IGSF21: variants seen among roughly 807,000 people sequenced by gnomAD.
IGSF21 encodes immunoglobulin superfamily member 21.
IGSF21 carries 28 observed loss-of-function variants against 46.8 expected under a neutral mutation model. The observed-to-expected ratio is 0.60, with a 90% confidence interval of 0.44 to 0.82. The LOEUF (loss-of-function observed/expected upper bound fraction) is 0.82, where lower values mean the gene tolerates loss of function less well. IGSF21 is among the 40% of genes least tolerant of loss of function. The pLI, the probability that IGSF21 is intolerant of heterozygous loss-of-function variation, is 0.00. For missense variants in IGSF21, 624 were observed against 665.5 expected, an observed-to-expected ratio of 0.94 and a Z score of 0.69; for synonymous variants, 284 against 273.6, an observed-to-expected ratio of 1.04 and a Z score of -0.38.
At chr1:18,193,540 A>G (rs937271521) in intron 1 of IGSF21, among the ~76,000 whole-genome samples, 3 of 152,200 alleles carry the variant, frequency 2.0e-5, no homozygotes, top group Admixed American at 1.3e-4. Flanking sequence ...GAGGGCAGGA[A>G]GCATCCAGCA....
chr1:18,185,452 G>A (rs1424786367), intron 1 of IGSF21, among the ~76,000 whole-genome samples: 3 of 152,218 alleles, frequency 2.0e-5, no homozygotes, highest in Non-Finnish European at 4.4e-5. Context: ...GTTCCGCCAG[G>A]CAGCAGGATC....
Position 18,166,208 on chromosome 1 carries a change from TA to T in IGSF21, c.70+58018del, listed in dbSNP as rs375295877. On this transcript the variant is annotated intron_variant, in intron 1 of 9. Transcript: ENST00000251296. ...ATATCTTTTTTTCTGAGCTTGCTTTTAAAAAAAATTTTACCTTGTATATTTT... is the reference window on the plus strand; with the variant it reads ...ATATCTTTTTTTCTGAGCTTGCTTTTAAAAAAATTTTACCTTGTATATTTT... Among the ~76,000 whole-genome samples, 38 of 152,276 alleles carry T rather than the reference TA, an allele frequency of 2.5e-4. No individual in the cohort carries two copies. The East Asian group carries it at 6.0e-3, about 24-fold the overall frequency.
At chr1:18,375,829 C>T (rs923406074) in intron 6 of IGSF21, 1 of 174,594 alleles carries the variant, frequency 5.7e-6, no homozygotes, top group African/African-American at 2.3e-5. Flanking sequence ...GCTGATGACA[C>T]CAGAAACGCA....
intron 2 of IGSF21, among the ~76,000 whole-genome samples, chr1:18,291,220 C>T (rs1220992806): frequency 1.3e-5 from 2 of 152,188 alleles, no homozygotes; most frequent in Non-Finnish European, 2.9e-5. Flanking sequence ...TTCATCGCCA[C>T]CTCCCTGCCT....
At chr1:18,141,796 C>T (rs902599414) in intron 1 of IGSF21, among the ~76,000 whole-genome samples, 2 of 152,182 alleles carry the variant, frequency 1.3e-5, no homozygotes, top group East Asian at 1.9e-4. Context: ...TGGCTGGGCA[C>T]AGTGGCTCAT....
chr1:18,226,161 C>G (rs1433357803), intron 1 of IGSF21, among the ~76,000 whole-genome samples: 1 of 152,230 alleles, frequency 6.6e-6, no homozygotes, highest in African/African-American at 2.4e-5. Context: ...AAGGTGGCCT[C>G]CTTGTTTGTC....
At chr1:18,321,202 T>A (rs2085597394) in intron 3 of IGSF21, among the ~76,000 whole-genome samples, 2 of 152,234 alleles carry the variant, frequency 1.3e-5, no homozygotes, top group African/African-American at 4.8e-5. Context: ...GACAAAAGGG[T>A]CTGCCCTTGG....
At chr1:18,121,595 C>G (rs2086234135) in intron 1 of IGSF21, among the ~76,000 whole-genome samples, 1 of 152,180 alleles carries the variant, frequency 6.6e-6, no homozygotes, top group Non-Finnish European at 1.5e-5. Context: ...GTACTCTGGG[C>G]AAGACAGAGT....
chr1:18,169,324 C>T (rs951023992), intron 1 of IGSF21, among the ~76,000 whole-genome samples: 39 of 152,310 alleles, frequency 2.6e-4, no homozygotes, highest in African/African-American at 7.2e-4. Flanking sequence ...AGTGGGGCCC[C>T]TGTGCTTGGG....
intron 1 of IGSF21, among the ~76,000 whole-genome samples, chr1:18,124,627 G>A (rs1222211993): frequency 2.0e-5 from 3 of 152,160 alleles, no homozygotes; most frequent in Non-Finnish European, 4.4e-5. Flanking sequence ...GGACCCCGTG[G>A]CTGGGCTGCT....
At chr1:18,367,029 T>C (rs1000143381) in intron 6 of IGSF21, among the ~76,000 whole-genome samples, 1 of 152,126 alleles carries the variant, frequency 6.6e-6, no homozygotes, top group Non-Finnish European at 1.5e-5. Context: ...CTTTGAACCT[T>C]GATTTGCAGC....
At chr1:18,215,956 C>A (rs951461367) in intron 1 of IGSF21, among the ~76,000 whole-genome samples, 1 of 152,172 alleles carries the variant, frequency 6.6e-6, no homozygotes, top group Non-Finnish European at 1.5e-5. Flanking sequence ...GAGCACCCAT[C>A]CTGTGTCAAG....
In IGSF21 at chr1:18,307,306, T is replaced by C. The variant is rs562031703; in HGVS notation, c.305+15319T>C. ...CTTCCCTGGACCTCTGCTTCCCCCA[T>C]GGGAGCGATGATATAGCAAGAGCCC... On this transcript the variant is annotated intron_variant, in intron 3 of 9. Coordinates refer to ENST00000251296, the MANE Select transcript of IGSF21 (RefSeq NM_032880.5). Among the ~76,000 whole-genome samples, 7 of 152,224 alleles carry C rather than the reference T, an allele frequency of 4.6e-5. No homozygotes were observed. The South Asian group carries it at 1.5e-3, about 32-fold the overall frequency.
chr1:18,310,397 G>A (rs1028697786), intron 3 of IGSF21, among the ~76,000 whole-genome samples: 10 of 152,166 alleles, frequency 6.6e-5, no homozygotes, highest in Non-Finnish European at 1.3e-4. Context: ...ATGTCAGGGA[G>A]ATTTCTCTAT....
Position 18,293,176 on chromosome 1 carries a change from A to G in IGSF21, c.305+1189A>G, listed in dbSNP as rs138144102. ...CGTGAGCTCCAGGAGGACAAGGCAC[A>G]TGCTCCTCCTTCACCTTGCATCCCC... On this transcript the variant is annotated intron_variant, in intron 3 of 9. Transcript: ENST00000251296. Among the ~76,000 whole-genome samples the G allele has an allele frequency of 2.0e-3, 312 of 152,318 alleles. 2 individuals are homozygous for G. Among genetic ancestry groups the G allele is most frequent in the African/African-American group, 6.9e-3 (285 of 41,576 alleles).
intron 1 of IGSF21, among the ~76,000 whole-genome samples, chr1:18,123,752 C>T (rs965656524): frequency 6.6e-6 from 1 of 152,006 alleles, no homozygotes; most frequent in Non-Finnish European, 1.5e-5. Context: ...CTGGAAAGGG[C>T]CTGGGGCACG....
chr1:18,209,749 C>T (rs1001624343), intron 1 of IGSF21, among the ~76,000 whole-genome samples: 5 of 151,976 alleles, frequency 3.3e-5, no homozygotes, highest in Admixed American at 1.3e-4. Flanking sequence ...CGTGAGCCAC[C>T]GCACCCGGCC....
intron 2 of IGSF21, among the ~76,000 whole-genome samples, chr1:18,291,145 G>C (rs1199984409): frequency 6.6e-6 from 1 of 152,218 alleles, no homozygotes; most frequent in South Asian, 2.1e-4. Context: ...ACGGACGCTT[G>C]GGTTCGCTTT....
intron 1 of IGSF21, among the ~76,000 whole-genome samples, chr1:18,225,420 T>TA (rs1401315323): frequency 6.6e-6 from 1 of 152,042 alleles, no homozygotes; most frequent in African/African-American, 2.4e-5. Context: ...CCGCCACACT[T>TA]ACACTTGCAA....
Sources: gnomAD v4.1 joint callset for allele counts (sites outside exome capture counted in the v4.1 genomes callset) on GRCh38, gnomAD v4.1.1 for gene constraint, MANE v1.5 for transcripts, NCBI Gene and HGNC (gene_info 2026-07-23, HGNC 2026-07-21) for gene names.